Variants in EML5 observed in about 807,000 individuals in gnomAD.
EML5 encodes the protein echinoderm microtubule-associated protein-like 5.
Under a neutral mutation model 250.0 loss-of-function variants are expected in EML5, and 120 were observed. The observed-to-expected ratio is 0.48, with a 90% confidence interval of 0.41 to 0.56. The LOEUF is 0.56. Ranked by LOEUF, EML5 falls within the 20% of genes least tolerant of loss-of-function variation. The probability of loss-of-function intolerance (pLI) is 0.00; values close to 1 mark genes in which losing one functional copy is unlikely to be tolerated. For missense variants in EML5, 2,006 were observed against 2,437.6 expected (o/e 0.82, Z 3.73); for synonymous variants, 771 against 806.5 (o/e 0.96, Z 0.75).
chr14:88,652,984 G>A (rs180972741), intron 27 of EML5, among the ~76,000 whole-genome samples: 1 of 152,216 alleles, frequency 6.6e-6, no homozygotes, highest in East Asian at 1.9e-4. Flanking sequence ...TTGAGCAGTG[G>A]TTTGTACCTC....
chr14:88,665,003 T>C (rs559184561), intron 22 of EML5, among the ~76,000 whole-genome samples: 30 of 152,292 alleles, frequency 2.0e-4, no homozygotes, highest in Non-Finnish European at 3.8e-4. Flanking sequence ...AATGAATACA[T>C]GGAAATTAAT....
intron 2 of EML5, among the ~76,000 whole-genome samples, chr14:88,746,717 G>A (rs1483208334): frequency 2.6e-5 from 4 of 152,152 alleles, no homozygotes; most frequent in Non-Finnish European, 5.9e-5. Context: ...TGATTTCTGT[G>A]CTGTGGGCTG....
At chr14:88,744,797 C>A (rs749382859) in intron 3 of EML5, among the ~76,000 whole-genome samples, 2 of 151,980 alleles carry the variant, frequency 1.3e-5, no homozygotes, top group Non-Finnish European at 2.9e-5. Context: ...TTCTTTGACA[C>A]CTTATCAACC....
chr14:88,732,133 C>G (rs932420083), intron 7 of EML5, among the ~76,000 whole-genome samples: 3 of 152,168 alleles, frequency 2.0e-5, no homozygotes, highest in African/African-American at 4.8e-5. Flanking sequence ...GACGTGAAGT[C>G]CTTGCCCATG....
At chr14:88,687,460 G>T in intron 18 of EML5, 133 bp from the exon 19 acceptor site, 1 of 618,870 alleles carries the variant, frequency 1.6e-6, no homozygotes, top group Non-Finnish European at 2.7e-6. Context: ...ACAGGAATTA[G>T]CTTAAGAATC....
At chr14:88,696,350 TAAAC>T (rs1273600714) in intron 15 of EML5, among the ~76,000 whole-genome samples, 2 of 152,110 alleles carry the variant, frequency 1.3e-5, no homozygotes, top group Non-Finnish European at 2.9e-5. Flanking sequence ...GTCAAACTTT[TAAAC>T]AAACAGAAAA....
At chr14:88,627,074 GT>G in intron 34 of EML5, 28 bp from the exon 35 acceptor site, 1 of 1,606,388 alleles carries the variant, frequency 6.2e-7, no homozygotes, top group Non-Finnish European at 8.5e-7. Context: ...AATTATCTAG[GT>G]TATTACAAGA....
At position 88,712,386 on chromosome 14, in the gene EML5, C is replaced by A; in HGVS notation, c.1542G>T (p.Lys514Asn). The A allele has an allele frequency of 6.2e-7, 1 of 1,613,586 alleles. No individual in the cohort carries two copies. Among genetic ancestry groups the A allele is most frequent in the South Asian group, 1.1e-5 (1 of 91,068 alleles). ...AATTTATATCGTTGATATCTGAATACTTGGGCCAAATTCCATTTACTTCAA... is the reference window on the plus strand; with the variant it reads ...AATTTATATCGTTGATATCTGAATAATTGGGCCAAATTCCATTTACTTCAA... ...SGLEVNGIWP[K>N]YSDINDINSV... Residue 514 changes from lysine (K) to asparagine (N), a missense_variant, in exon 10 of 44, where the codon AAG becomes AAT. By Grantham distance (94) the Lys-to-Asn change is moderately conservative. Around this residue, in one of 7 missense-constraint regions of EML5, gnomAD observed 1,375 missense variants for 1,590.3 expected, o/e 0.86. Transcript: ENST00000554922.
At position 88,792,266 on chromosome 14, in the gene EML5, C is replaced by T; in HGVS notation, c.197+41G>A. On this transcript the variant is annotated intron_variant, in intron 1 of 43. Transcript: ENST00000554922. This position sits in a 1 kb window ranked among gnomAD's most constrained non-coding sequence, Gnocchi z 6.9. Reference sequence around the variant, plus strand: ...AACCCGCGGGTGCAAACTCCGGGAGCGGCTTGCAGGGTGACGGCGGCGGCC... The same window carrying T: ...AACCCGCGGGTGCAAACTCCGGGAGTGGCTTGCAGGGTGACGGCGGCGGCC... 6.5e-7 allele frequency: 1 copy of T among 1,530,042 alleles called. No individual in the cohort carries two copies. The highest frequency in any genetic ancestry group is 8.8e-7 in the Non-Finnish European group (1 of 1,139,542). 94.8% of individuals were successfully genotyped at this position (1,530,042 alleles called of 1,614,324 possible).
chr14:88,737,307 A>G (rs1336118650), intron 6 of EML5, among the ~76,000 whole-genome samples: 1 of 152,234 alleles, frequency 6.6e-6, no homozygotes, highest in African/African-American at 2.4e-5. Context: ...AGAGTCCCCA[A>G]GTTTTTTAGG....
chr14:88,683,852 T>C lies in EML5; in HGVS notation c.2982+1163A>G, dbSNP rs546074989. On this transcript the variant is annotated intron_variant, in intron 20 of 43. Coordinates refer to ENST00000554922, the MANE Select transcript of EML5 (RefSeq NM_183387.3). ...TACGAAAAACCCACAGTTAACCTTA[T>C]ACTCAATGGTGGAAGACTAGATGCT... Among the ~76,000 whole-genome samples, 4 of 152,286 alleles carry C rather than the reference T, an allele frequency of 2.6e-5. 1 individual carries two copies. The highest frequency in any genetic ancestry group is 7.2e-5 in the African/African-American group (3 of 41,562).
intron 3 of EML5, among the ~76,000 whole-genome samples, chr14:88,745,974 C>G (rs976202455): frequency 6.6e-6 from 1 of 152,096 alleles, no homozygotes; most frequent in Non-Finnish European, 1.5e-5. Flanking sequence ...CAATGCTATA[C>G]ATATCAAATC....
At chr14:88,747,595 C>T (rs2094024846) in intron 2 of EML5, among the ~76,000 whole-genome samples, 1 of 151,958 alleles carries the variant, frequency 6.6e-6, no homozygotes, top group African/African-American at 2.4e-5. Context: ...GAGAAATAAG[C>T]TTAATGTGCG....
intron 25 of EML5, among the ~76,000 whole-genome samples, chr14:88,660,920 T>G (rs1595416542): frequency 6.6e-6 from 1 of 152,162 alleles, no homozygotes; most frequent in Non-Finnish European, 1.5e-5. Context: ...AGTCATTCAT[T>G]ACATTAAATC....
chr14:88,697,032 A>T (rs559303443), intron 14 of EML5, 80 bp from the exon 15 acceptor site: 10 of 913,006 alleles, frequency 1.1e-5, no homozygotes, highest in African/African-American at 1.7e-5. Flanking sequence ...AAAACAAGAG[A>T]TTTTTACAGC....
chr14:88,662,027 A>G (rs960843725), intron 24 of EML5, among the ~76,000 whole-genome samples, 197 bp from the exon 25 acceptor site: 7 of 152,286 alleles, frequency 4.6e-5, no homozygotes, highest in Non-Finnish European at 8.8e-5. Context: ...AAATTTTAAC[A>G]TAGTATTATT....
intron 41 of EML5, 130 bp from the exon 42 acceptor site, chr14:88,617,009 G>C: frequency 1.2e-6 from 1 of 804,946 alleles, no homozygotes; most frequent in Non-Finnish European, 1.9e-6. Context: ...GTAAATTATG[G>C]TAAGTTGTTT....
intron 7 of EML5, among the ~76,000 whole-genome samples, chr14:88,729,857 G>A (rs374420178): frequency 0.011 from 1,439 of 127,962 alleles, 23 homozygotes; most frequent in African/African-American, 0.045. Flanking sequence ...CACCACACTC[G>A]GTCTTGTTTT....
intron 23 of EML5, 51 bp downstream of exon 23, chr14:88,664,442 T>C: frequency 1.3e-6 from 2 of 1,502,148 alleles, no homozygotes; most frequent in Non-Finnish European, 9.0e-7. Flanking sequence ...AATATAGCTA[T>C]ACTAAATCAA....
Sources: gnomAD v4.1 joint callset for allele counts (sites outside exome capture counted in the v4.1 genomes callset) on GRCh38, gnomAD v4.1.1 for gene constraint, gnomAD v4.1.1 regional missense constraint, Gnocchi (gnomAD v3.1) non-coding constraint, MANE v1.5 for transcripts, NCBI Gene and HGNC (gene_info 2026-07-23, HGNC 2026-07-21) for gene names.